SLC14A2: variants seen among roughly 807,000 people sequenced by gnomAD.
SLC14A2 encodes the protein urea transporter 2.
A neutral mutation model predicts 104.6 loss-of-function variants in SLC14A2; 91 were observed. The observed-to-expected ratio is 0.87, with a 90% CI of 0.73 to 1.04. The LOEUF is 1.04. Ranked by LOEUF, SLC14A2 falls within the 50% of genes least tolerant of loss-of-function variation. The pLI is 0.00. For synonymous variants in SLC14A2, 476 were observed against 466.4 expected, an observed-to-expected ratio of 1.02 and a Z score of -0.27; for missense variants, 1,189 against 1,156.0, an observed-to-expected ratio of 1.03 and a Z score of -0.41.
intron 1 of SLC14A2, among the ~76,000 whole-genome samples, chr18:45,474,606 G>A (rs1422470862): frequency 2.0e-5 from 3 of 152,184 alleles, no homozygotes; most frequent in Non-Finnish European, 4.4e-5. Flanking sequence ...TTAGTCTTGG[G>A]AGGGTGTATG....
chr18:45,251,647 G>A (rs139034397), intron 1 of SLC14A2, among the ~76,000 whole-genome samples: 3 of 152,316 alleles, frequency 2.0e-5, no homozygotes, highest in Admixed American at 1.3e-4. Flanking sequence ...ATCTCCCTGT[G>A]TCTTCACGTG....
chr18:45,392,015 G>C (rs1378391063), intron 1 of SLC14A2, among the ~76,000 whole-genome samples: 2 of 152,332 alleles, frequency 1.3e-5, no homozygotes, highest in East Asian at 3.9e-4. Context: ...CCTATGTCCA[G>C]AGACACTCAA....
At chr18:45,601,019 G>A (rs1207962386) in intron 2 of SLC14A2, among the ~76,000 whole-genome samples, 2 of 152,104 alleles carry the variant, frequency 1.3e-5, no homozygotes, top group African/African-American at 2.4e-5. Context: ...AGGATGGGAG[G>A]GGGGACCAAG....
chr18:45,290,000 TGACA>T (rs1247262654), intron 1 of SLC14A2, among the ~76,000 whole-genome samples: 2 of 152,228 alleles, frequency 1.3e-5, no homozygotes, highest in Non-Finnish European at 2.9e-5. Flanking sequence ...ATAATAACTT[TGACA>T]GACCTTCAAT....
At chr18:45,569,565 T>A (rs915550199) in intron 2 of SLC14A2, among the ~76,000 whole-genome samples, 1 of 152,334 alleles carries the variant, frequency 6.6e-6, no homozygotes, top group Admixed American at 6.5e-5. Flanking sequence ...CAACAATATA[T>A]CTGGGAAATC....
intron 1 of SLC14A2, among the ~76,000 whole-genome samples, chr18:45,417,250 A>G (rs2086287966): frequency 6.6e-6 from 1 of 152,088 alleles, no homozygotes; most frequent in Admixed American, 6.6e-5. Flanking sequence ...GCATCTTAAC[A>G]CTTCCCCTTT....
At chr18:45,478,060 G>A (rs1198957524) in intron 1 of SLC14A2, among the ~76,000 whole-genome samples, 2 of 152,198 alleles carry the variant, frequency 1.3e-5, no homozygotes, top group Non-Finnish European at 2.9e-5. Flanking sequence ...CTAGCTTGGT[G>A]TCTGCCCAAA....
chr18:45,628,304 C>T (rs961000108), intron 4 of SLC14A2, among the ~76,000 whole-genome samples: 4 of 151,894 alleles, frequency 2.6e-5, no homozygotes, highest in South Asian at 2.1e-4. Flanking sequence ...GTTAGCTGGG[C>T]GTGGTGGCGC....
At chr18:45,464,751 C>G (rs2144650263) in intron 1 of SLC14A2, among the ~76,000 whole-genome samples, 1 of 152,264 alleles carries the variant, frequency 6.6e-6, no homozygotes, top group South Asian at 2.1e-4. Flanking sequence ...GTTGTCGCAT[C>G]CTGGGCACGG....
chr18:45,266,018 A>G (rs2084589072), intron 1 of SLC14A2, among the ~76,000 whole-genome samples: 1 of 152,202 alleles, frequency 6.6e-6, no homozygotes, highest in South Asian at 2.1e-4. Context: ...GATTAACAAC[A>G]AAAACAACAA....
chr18:45,665,952 G>C (rs957546930), intron 11 of SLC14A2, among the ~76,000 whole-genome samples, 185 bp from the exon 12 acceptor site: 1 of 152,100 alleles, frequency 6.6e-6, no homozygotes, highest in Non-Finnish European at 1.5e-5. Context: ...GGCCCAGATG[G>C]ATCCATGACC....
At chr18:45,569,369 TTACTC>T (rs1421705488) in intron 2 of SLC14A2, among the ~76,000 whole-genome samples, 1 of 152,186 alleles carries the variant, frequency 6.6e-6, no homozygotes. Flanking sequence ...ACTAACCCCT[TTACTC>T]TATTCTAAAT....
intron 2 of SLC14A2, among the ~76,000 whole-genome samples, chr18:45,571,513 AG>A (rs2044344770): frequency 6.6e-6 from 1 of 152,238 alleles, no homozygotes; most frequent in Non-Finnish European, 1.5e-5. Context: ...AGGCTACAGA[AG>A]GGAGTATTAA....
chr18:45,613,367 G>A (rs1204152458), upstream of SLC14A2, among the ~76,000 whole-genome samples: 1 of 152,178 alleles, frequency 6.6e-6, no homozygotes, highest in Non-Finnish European at 1.5e-5. Flanking sequence ...CAGTAAATTG[G>A]TACCAAGATA....
chr18:45,598,418 T>G (rs1441586347), intron 2 of SLC14A2, among the ~76,000 whole-genome samples: 2 of 152,002 alleles, frequency 1.3e-5, no homozygotes, highest in African/African-American at 4.8e-5. Context: ...CCTACAAATT[T>G]CTTAGGTGGG....
intron 1 of SLC14A2, among the ~76,000 whole-genome samples, chr18:45,399,434 T>C (rs750939968): frequency 1.3e-5 from 2 of 152,178 alleles, no homozygotes; most frequent in Admixed American, 6.5e-5. Context: ...GGTTTGAGTT[T>C]GTCTCCAGTT....
Position 45,669,382 on chromosome 18 carries a change from A to G in SLC14A2, c.2113A>G (p.Thr705Ala). ...AGTCTTCACACTGCCCTTCAATATC[A>G]CTGTGACTTTGTACCTGGCAGCCAC... ...LPVFTLPFNI[T>A]VTLYLAATGH... Residue 705 changes from threonine (T) to alanine (A), a missense_variant, in exon 16 of 20, where the codon ACT (threonine) becomes GCT (alanine). Thr to Ala is a moderately conservative substitution (Grantham distance 58). Transcript: ENST00000255226. The G allele has an allele frequency of 6.2e-7, 1 of 1,613,876 alleles. No homozygotes were observed. Among genetic ancestry groups the G allele is most frequent in the Non-Finnish European group, 8.5e-7 (1 of 1,179,956 alleles).
intron 1 of SLC14A2, among the ~76,000 whole-genome samples, chr18:45,455,105 T>C (rs1598844702): frequency 6.6e-6 from 1 of 152,174 alleles, no homozygotes; most frequent in Non-Finnish European, 1.5e-5. Flanking sequence ...AGTATGGCCA[T>C]TTTCACAATA....
rs192290602 is a variant in SLC14A2 at position 45,259,999 on chromosome 18, T to C, written c.-125+46808T>C. On this transcript the variant is annotated intron_variant, in intron 1 of 20. Coordinates refer to the SLC14A2 transcript ENST00000586448. Reference sequence around the variant, plus strand: ...GTAGAGGGGGAATGGGAGGGAGGGATGTCAAAAAGCTAACTACTCCCTTAG... The same window carrying C: ...GTAGAGGGGGAATGGGAGGGAGGGACGTCAAAAAGCTAACTACTCCCTTAG... 4.7e-3 allele frequency among the ~76,000 whole-genome samples: 721 copies of C among 152,150 alleles called. 16 individuals carry two copies. The highest frequency in any genetic ancestry group is 0.042 in the Admixed American group (647 of 15,284).
Sources: gnomAD v4.1 joint callset for allele counts (sites outside exome capture counted in the v4.1 genomes callset) on GRCh38, gnomAD v4.1.1 for gene constraint, MANE v1.5 for transcripts, NCBI Gene and HGNC (gene_info 2026-07-23, HGNC 2026-07-21) for gene names.